EYS: variants seen among roughly 807,000 people sequenced by gnomAD.
The protein encoded by EYS is protein eyes shut homolog.
A neutral mutation model predicts 282.1 loss-of-function variants in EYS; 250 were observed. The ratio of observed to expected loss-of-function variants is 0.89; its 90% confidence interval spans 0.80 to 0.98. The LOEUF is 0.98. EYS is among the 50% of genes least tolerant of loss of function. The pLI, the probability that EYS is intolerant of heterozygous loss-of-function variation, is 0.00. For synonymous variants in EYS, 1,355 were observed against 1,282.9 expected, an observed-to-expected ratio of 1.06 and a Z score of -1.20; for missense variants, 4,016 against 3,709.0, an observed-to-expected ratio of 1.08 and a Z score of -2.15.
chr6:64,839,397 G>A (rs189680421), intron 19 of EYS, among the ~76,000 whole-genome samples: 116 of 152,022 alleles, frequency 7.6e-4, no homozygotes, highest in African/African-American at 2.5e-3. Context: ...TGTGTACTGT[G>A]ACTCTAATAC....
chr6:64,764,788 G>A (rs1226767344), intron 22 of EYS, among the ~76,000 whole-genome samples: 1 of 152,126 alleles, frequency 6.6e-6, no homozygotes, highest in Non-Finnish European at 1.5e-5. Flanking sequence ...ATCCTGGCTG[G>A]AGTGCAATGG....
At chr6:64,912,820 T>A in intron 15 of EYS, 77 bp from the exon 16 acceptor site, 1 of 872,222 alleles carries the variant, frequency 1.1e-6, no homozygotes, top group Non-Finnish European at 1.6e-6. Context: ...ATTACTCCCT[T>A]GAACTAATAG....
At chr6:65,557,104 G>A (rs547283942) in intron 2 of EYS, among the ~76,000 whole-genome samples, 7 of 152,252 alleles carry the variant, frequency 4.6e-5, no homozygotes, top group African/African-American at 1.7e-4. Flanking sequence ...ATTATAACAA[G>A]AATTATAACA....
At chr6:63,816,660 A>ACT (rs568026051) in intron 36 of EYS, among the ~76,000 whole-genome samples, 1 of 152,118 alleles carries the variant, frequency 6.6e-6, no homozygotes, top group African/African-American at 2.4e-5. Flanking sequence ...TCTAAATATT[A>ACT]CTCTCTCTCT....
intron 36 of EYS, among the ~76,000 whole-genome samples, chr6:63,835,863 C>A (rs1271947406): frequency 6.6e-6 from 1 of 151,982 alleles, no homozygotes; most frequent in African/African-American, 2.4e-5. Flanking sequence ...TTTAAAACTT[C>A]TTAATTCTTA....
chr6:64,302,223 T>C (rs958616885), intron 30 of EYS, among the ~76,000 whole-genome samples: 1 of 152,124 alleles, frequency 6.6e-6, no homozygotes, highest in Non-Finnish European at 1.5e-5. Context: ...CCACCAAAAC[T>C]GGAGAAACTT....
At chr6:65,271,128 T>TCATATATATATATATATATATA (rs1554174612) in intron 12 of EYS, among the ~76,000 whole-genome samples, 2 of 55,788 alleles carry the variant, frequency 3.6e-5, no homozygotes, top group Non-Finnish European at 7.3e-5. Flanking sequence ...AATCAATAGA[T>TCATATATATATATATATATATA]TATATATATA....
rs191657992 is a variant in EYS, at chr6:65,649,016, C to T, written c.-447-9124G>A. On this transcript the variant is annotated intron_variant, in intron 1 of 42. Coordinates refer to ENST00000503581, the MANE Select transcript of EYS (RefSeq NM_001142800.2). ...AAAAAATTAGCTGGGCATGGTGGCA[C>T]ACACCTGTAGTCTCAGCTACTCGGG... 3.0e-3 allele frequency among the ~76,000 whole-genome samples: 451 copies of T among 151,318 alleles called. 1 individual carries two copies. Among genetic ancestry groups the T allele is most frequent in the African/African-American group, 0.011 (436 of 41,238 alleles).
intron 1 of EYS, among the ~76,000 whole-genome samples, chr6:65,679,885 TG>T (rs1377209200): frequency 1.3e-5 from 2 of 151,956 alleles, no homozygotes; most frequent in Admixed American, 1.3e-4. Flanking sequence ...TCACAAAGTG[TG>T]GTCTGCAATA....
At position 64,066,494 on chromosome 6, in the gene EYS, T is replaced by G; in HGVS notation, c.6572-3A>C. On this transcript the variant is annotated splice_polypyrimidine_tract_variant and splice_region_variant and intron_variant, in intron 32 of 42. Transcript: ENST00000503581. ...CTTTCCACAATTATTCCCATTACCT[T>G]TAAGAAAAAAAGAATATATTAGTAA... is the stretch of plus-strand genomic sequence containing the variant. The G allele has an allele frequency of 6.7e-7, 1 of 1,500,474 alleles. No individual in the cohort carries two copies. The highest frequency in any genetic ancestry group is 9.0e-7 in the Non-Finnish European group (1 of 1,107,946). The allele number at this position is 1,500,474 out of a possible 1,614,324, so 92.9% of individuals were successfully genotyped here.
At chr6:63,740,172 C>T (rs1187819061) in intron 41 of EYS, among the ~76,000 whole-genome samples, 1 of 152,186 alleles carries the variant, frequency 6.6e-6, no homozygotes, top group Admixed American at 6.5e-5. Context: ...GCTGTGTCCC[C>T]ACCCAAGTCT....
chr6:65,108,430 T>C (rs1205272287), intron 12 of EYS, among the ~76,000 whole-genome samples: 2 of 152,132 alleles, frequency 1.3e-5, no homozygotes, highest in African/African-American at 2.4e-5. Flanking sequence ...CCTTAGCAGC[T>C]GGGACTAAAG....
chr6:65,178,885 C>A (rs1156892721), intron 12 of EYS, among the ~76,000 whole-genome samples: 1 of 152,016 alleles, frequency 6.6e-6, no homozygotes, highest in African/African-American at 2.4e-5. Flanking sequence ...TGCAATCAAA[C>A]TAGAACTCAG....
At chr6:65,538,909 A>G (rs1315429057) in intron 2 of EYS, among the ~76,000 whole-genome samples, 5 of 152,176 alleles carry the variant, frequency 3.3e-5, no homozygotes, top group Non-Finnish European at 2.9e-5. Context: ...GATATATGCC[A>G]TCCTCAGGGA....
intron 12 of EYS, among the ~76,000 whole-genome samples, chr6:65,069,470 T>C (rs1773844501): frequency 6.6e-6 from 1 of 151,948 alleles, no homozygotes; most frequent in South Asian, 2.1e-4. Context: ...AAATCCAAAC[T>C]GCGATCTTTT....
At chr6:64,702,906 G>C (rs894407959) in intron 22 of EYS, among the ~76,000 whole-genome samples, 12 of 151,224 alleles carry the variant, frequency 7.9e-5, no homozygotes, top group Admixed American at 7.2e-4. Flanking sequence ...GCAATGCTTT[G>C]CAAGTCACAA....
chr6:64,697,784 A>T (rs1770635042), intron 22 of EYS, among the ~76,000 whole-genome samples: 1 of 151,986 alleles, frequency 6.6e-6, no homozygotes, highest in Non-Finnish European at 1.5e-5. Context: ...TCTACTAAAA[A>T]TATAAAAATT....
chr6:65,636,663 T>C (rs1385104069), intron 2 of EYS, among the ~76,000 whole-genome samples: 1 of 152,212 alleles, frequency 6.6e-6, no homozygotes, highest in Non-Finnish European at 1.5e-5. Context: ...CTTCCTATAT[T>C]CTCTAATCTT....
chr6:64,821,958 T>A (rs1240411142), intron 20 of EYS, among the ~76,000 whole-genome samples: 1 of 151,974 alleles, frequency 6.6e-6, no homozygotes, highest in African/African-American at 2.4e-5. Flanking sequence ...GAATGAACAG[T>A]TTTAAAAGAT....
Sources: allele counts gnomAD v4.1 joint callset (sites outside exome capture counted in the v4.1 genomes callset), GRCh38; gene constraint gnomAD v4.1.1; transcripts MANE v1.5; gene names NCBI Gene and HGNC (gene_info 2026-07-23, HGNC 2026-07-21).